The following NCBP1 variants were observed in gnomAD, a reference collection of about 807,000 sequenced individuals.
NCBP1 encodes the protein nuclear cap-binding protein subunit 1.
In NCBP1, 16 loss-of-function variants were observed where a neutral mutation model predicts 111.7. That is an observed-to-expected ratio of 0.14 (90% confidence interval 0.10 to 0.22). NCBP1 has a LOEUF of 0.22. Ranked by LOEUF, NCBP1 falls within the 10% of genes least tolerant of loss-of-function variation. NCBP1 has a pLI of 1.00. For synonymous variants in NCBP1, 304 were observed against 314.3 expected, an observed-to-expected ratio of 0.97 and a Z score of 0.35; for missense variants, 607 against 957.5, an observed-to-expected ratio of 0.63 and a Z score of 4.83.
chr9:97,667,254 G>A (rs891734047), intron 20 of NCBP1, among the ~76,000 whole-genome samples: 2 of 152,206 alleles, frequency 1.3e-5, no homozygotes, highest in Non-Finnish European at 2.9e-5. Flanking sequence ...CCCGTACTGT[G>A]AGGAGGAATG....
chr9:97,645,066 T>G, intron 4 of NCBP1, 51 bp from the exon 5 acceptor site: 1 of 1,347,482 alleles, frequency 7.4e-7, no homozygotes, highest in Non-Finnish European at 1.1e-6. Context: ...TATTTTGTAG[T>G]TATTATAAAG....
At chr9:97,648,369 A>C in intron 8 of NCBP1, 146 bp downstream of exon 8, 1 of 675,846 alleles carries the variant, frequency 1.5e-6, no homozygotes, top group Non-Finnish European at 2.5e-6. Context: ...TAACTTTTTA[A>C]TTCAGTGAAT....
intron 14 of NCBP1, among the ~76,000 whole-genome samples, chr9:97,656,324 G>C (rs1204046835): frequency 1.3e-5 from 2 of 152,228 alleles, no homozygotes; most frequent in East Asian, 3.9e-4. Flanking sequence ...GCTCACGCCT[G>C]TAATCCCAGC....
chr9:97,655,934 T>C (rs1261320701), intron 13 of NCBP1, 77 bp from the exon 14 acceptor site: 15 of 1,433,468 alleles, frequency 1.0e-5, no homozygotes, highest in South Asian at 3.6e-5. Flanking sequence ...TGTTATAAGT[T>C]AACAGATAAT....
rs202119961 is a variant in NCBP1, at chr9:97,653,845, T to C, written c.1107T>C (p.Asp369=). Reference sequence around the variant, plus strand: ...AACTTCCAGCACCCCCTCACATTGATGTGATGTACACAACACTCCTCATTG... The same window carrying C: ...AACTTCCAGCACCCCCTCACATTGACGTGATGTACACAACACTCCTCATTG... ...LFQLPAPPHI[D]VMYTTLLIEL... Residue 369 remains aspartate, a synonymous_variant, in exon 11 of 23, where the codon GAT becomes GAC. Coordinates refer to ENST00000375147, the MANE Select transcript of NCBP1 (RefSeq NM_002486.5). 4 of 1,614,012 alleles carry C rather than the reference T, an allele frequency of 2.5e-6. No homozygotes were observed. Among genetic ancestry groups the C allele is most frequent in the African/African-American group, 1.3e-5 (1 of 74,924 alleles).
rs1828012043 is a variant in NCBP1, at chr9:97,666,633, A to G, written c.1902-130A>G. The G allele has an allele frequency of 7.0e-6, 4 of 575,340 alleles. No individual in the cohort carries two copies. In the South Asian group the frequency reaches 7.3e-5, roughly 11 times the overall value. The allele number at this position is 575,340 out of a possible 1,614,324, so 35.6% of individuals were successfully genotyped here. ...CCAATTTGTAAGTATTGCTGGAGAAAGATGACTAATTCAGCCCCAAGGACA... is the reference window on the plus strand; with the variant it reads ...CCAATTTGTAAGTATTGCTGGAGAAGGATGACTAATTCAGCCCCAAGGACA... On this transcript the variant is annotated intron_variant, in intron 19 of 22. Coordinates refer to ENST00000375147, the MANE Select transcript of NCBP1 (RefSeq NM_002486.5).
At chr9:97,634,357 T>C (rs1274849290) in intron 1 of NCBP1, among the ~76,000 whole-genome samples, 1 of 152,204 alleles carries the variant, frequency 6.6e-6, no homozygotes, top group African/African-American at 2.4e-5. Flanking sequence ...TGAGTTGCAG[T>C]CTGAACTCTG....
Position 97,655,665 on chromosome 9 carries a change from T to G in NCBP1, c.1236-37T>G, listed in dbSNP as rs1368276716. 6 of 1,538,630 alleles carry G rather than the reference T, an allele frequency of 3.9e-6. No homozygotes were observed. The African/African-American group carries it at 6.9e-5, about 18-fold the overall frequency. On this transcript the variant is annotated intron_variant, in intron 12 of 22. Transcript: ENST00000375147. Reference sequence around the variant, plus strand: ...TTCTGTTCTAAATCCCAGTTATTCTTCCTTTTTCTCTGCCTACCTCCCCCT... The same window carrying G: ...TTCTGTTCTAAATCCCAGTTATTCTGCCTTTTTCTCTGCCTACCTCCCCCT...
chr9:97,666,954 TTGA>T (rs1028166880), intron 20 of NCBP1, 77 bp downstream of exon 20: 193 of 1,075,866 alleles, frequency 1.8e-4, no homozygotes, highest in Non-Finnish European at 2.3e-4. Context: ...GTTCATTATC[TTGA>T]TGATATTTCA....
intron 19 of NCBP1, among the ~76,000 whole-genome samples, chr9:97,665,726 A>G (rs929394787): frequency 7.0e-4 from 107 of 152,320 alleles, no homozygotes; most frequent in African/African-American, 2.3e-3. Context: ...TTGAACAACA[A>G]CAGGGGTTAG....
chr9:97,645,998 A>G (rs759181308), intron 6 of NCBP1, among the ~76,000 whole-genome samples: 1 of 152,190 alleles, frequency 6.6e-6, no homozygotes, highest in Non-Finnish European at 1.5e-5. Context: ...AAAACACCCT[A>G]GTGCAATAGT....
Position 97,666,820 on chromosome 9 carries a change from G to C in NCBP1, c.1959G>C (p.Leu653=), listed in dbSNP as rs928755529. The change falls in exon 20 of 23, where the codon CTG becomes CTC. Residue 653 remains leucine (L), a synonymous_variant. Coordinates refer to ENST00000375147, the MANE Select transcript of NCBP1 (RefSeq NM_002486.5). ...TTCGTAAGATGAACAAACATGTCCT[G>C]AAGATCCAGAAAGAGCTGGAAGAAG... ...STIRKMNKHV[L]KIQKELEEAK... is the part of the protein sequence containing the mutation. 2.5e-6 allele frequency: 4 copies of C among 1,610,546 alleles called. No individual in the cohort carries two copies. Among genetic ancestry groups the C allele is most frequent in the Non-Finnish European group, 3.4e-6 (4 of 1,178,880 alleles).
In NCBP1 at chr9:97,656,081, A is replaced by G; in HGVS notation, c.1369A>G (p.Met457Val). 2 of 1,612,968 alleles carry G rather than the reference A, an allele frequency of 1.2e-6. No individual in the cohort carries two copies. The highest frequency in any genetic ancestry group is 1.7e-6 in the Non-Finnish European group (2 of 1,178,984). The change falls in exon 14 of 23, where the codon ATG becomes GTG. Residue 457 changes from methionine to valine, a missense_variant. By Grantham distance (21) the Met-to-Val change is conservative. This residue lies in a region of NCBP1 where 282 missense variants were observed against 376.5 expected (regional missense o/e 0.75). Coordinates refer to ENST00000375147, the MANE Select transcript of NCBP1 (RefSeq NM_002486.5). ...TGTAAGAGAAGTTCTAGAAAAATGT[A>G]TGAGGTAAGTTTTTTGTGTTTTCTC... ...KFVREVLEKC[M>V]RLSYHQRILD... is the part of the protein sequence containing the mutation.
At chr9:97,657,272 G>A (rs1827687750) in intron 14 of NCBP1, among the ~76,000 whole-genome samples, 1 of 152,152 alleles carries the variant, frequency 6.6e-6, no homozygotes, top group South Asian at 2.1e-4. Context: ...AGCCTGGTCT[G>A]AAATCTTATC....
chr9:97,657,906 C>CTCTA (rs375160579), intron 14 of NCBP1, among the ~76,000 whole-genome samples: 44 of 127,474 alleles, frequency 3.5e-4, no homozygotes, highest in East Asian at 2.1e-3. Context: ...CTCTCTCTCT[C>CTCTA]TATATATATA....
At chr9:97,659,723 C>T (rs1006451703) in intron 15 of NCBP1, among the ~76,000 whole-genome samples, 2 of 152,140 alleles carry the variant, frequency 1.3e-5, no homozygotes, top group African/African-American at 4.8e-5. Context: ...TTGTCCTGTA[C>T]TGGTTCCGAG....
intron 8 of NCBP1, among the ~76,000 whole-genome samples, chr9:97,648,750 T>G (rs1827417515): frequency 6.6e-6 from 1 of 152,212 alleles, no homozygotes; most frequent in African/African-American, 2.4e-5. Context: ...GGGGTCTTAC[T>G]TTGTTGCCCA....
chr9:97,657,356 A>G (rs1000569297), intron 14 of NCBP1, among the ~76,000 whole-genome samples: 3 of 151,856 alleles, frequency 2.0e-5, no homozygotes, highest in South Asian at 2.1e-4. Context: ...TCTTTTTTCT[A>G]TCTTTGTGTT....
chr9:97,656,219 T>C (rs1827648798), intron 14 of NCBP1, 134 bp downstream of exon 14: 1 of 755,202 alleles, frequency 1.3e-6, no homozygotes, highest in Non-Finnish European at 2.1e-6. Flanking sequence ...TAATCAAGAC[T>C]TAGGCTAAGA....
Sources: gnomAD v4.1 joint callset for allele counts (sites outside exome capture counted in the v4.1 genomes callset) on GRCh38, gnomAD v4.1.1 for gene constraint, gnomAD v4.1.1 regional missense constraint, MANE v1.5 for transcripts, NCBI Gene and HGNC (gene_info 2026-07-23, HGNC 2026-07-21) for gene names.